Variants in SBNO2 observed in about 807,000 individuals in gnomAD.
SBNO2 encodes the protein strawberry notch homolog 2, also known as protein strawberry notch homolog 2.
SBNO2 carries 89 observed loss-of-function variants against 146.3 expected under a neutral mutation model. That is an observed-to-expected ratio of 0.61 (90% CI 0.51 to 0.73). The LOEUF (loss-of-function observed/expected upper bound fraction) is 0.73, where lower values mean the gene tolerates loss of function less well. SBNO2 is among the 30% of genes least tolerant of loss of function. SBNO2 has a pLI of 0.00. For missense variants in SBNO2, 2,092 were observed against 2,003.7 expected (o/e 1.04, Z -0.84); for synonymous variants, 1,147 against 892.6 (o/e 1.29, Z -5.08).
intron 15 of SBNO2, 32 bp downstream of exon 15, chr19:1,117,291 G>C: frequency 6.5e-7 from 1 of 1,538,856 alleles, no homozygotes; most frequent in South Asian, 1.2e-5. Context: ...AGGCCCGGCC[G>C]CCCTCAGCCC....
Position 1,122,773 on chromosome 19 carries a change from G to A in SBNO2, c.799C>T (p.Pro267Ser). 6.5e-7 allele frequency: 1 copy of A among 1,537,924 alleles called. No homozygotes were observed. Among genetic ancestry groups the A allele is most frequent in the Non-Finnish European group, 8.7e-7 (1 of 1,146,438 alleles). The change falls in exon 9 of 32, where the codon CCC becomes TCC. Residue 267 changes from proline to serine, a missense_variant. By Grantham distance (74) the Pro-to-Ser change is moderately conservative. Transcript: ENST00000361757. Reference protein sequence around the residue: ...YACQQHEVLLPSGQRAGFLIG... With the variant: ...YACQQHEVLLSSGQRAGFLIG... ...AGAAAGCCCGCGCGCTGCCCGCTGG[G>A]GAGCAGGACCTCGTGTTGCTGTTGC...
At position 1,144,861 on chromosome 19, in the gene SBNO2, GAGACAC is replaced by G. The variant is rs1394215671; in HGVS notation, c.279+2442_279+2447del. On this transcript the variant is annotated intron_variant, in intron 4 of 31. Transcript: ENST00000361757. The surrounding 1 kb of genome is among the most constrained non-coding windows in gnomAD (Gnocchi z 4.1). Reference sequence around the variant, plus strand: ...ACAGGGGCAGAGACAAGCAGAGAGGGAGACACAGACAGAGACAGAGAGGGAGACAGA... The same window carrying G: ...ACAGGGGCAGAGACAAGCAGAGAGGGAGACAGAGACAGAGAGGGAGACAGA... 2.0e-5 allele frequency among the ~76,000 whole-genome samples: 3 copies of G among 150,470 alleles called. No individual in the cohort carries two copies. Among genetic ancestry groups the G allele is most frequent in the Admixed American group, 1.3e-4 (2 of 15,138 alleles).
chr19:1,153,058 G>A (rs1249855669), intron 2 of SBNO2, among the ~76,000 whole-genome samples: 1 of 151,724 alleles, frequency 6.6e-6, no homozygotes, highest in African/African-American at 2.4e-5. Context: ...AGGAGGCTGA[G>A]GCAGGAGAAT....
At position 1,112,695 on chromosome 19, in the gene SBNO2, C is replaced by G. The variant is rs898951758; in HGVS notation, c.2379+123G>C. The G allele has an allele frequency of 6.0e-5, 87 of 1,438,176 alleles. No homozygotes were observed. The highest frequency in any genetic ancestry group is 7.4e-5 in the Non-Finnish European group (81 of 1,089,796). 89.1% of individuals were successfully genotyped at this position (1,438,176 alleles called of 1,614,324 possible). ...GGACACCACCCGCCACACGGCCACT[C>G]GCGCCCGCACCTGGCACACACACAC... On this transcript the variant is annotated intron_variant, in intron 20 of 31. Transcript: ENST00000361757. The surrounding 1 kb of genome is among the most constrained non-coding windows in gnomAD (Gnocchi z 5.9).
At position 1,158,900 on chromosome 19, in the gene SBNO2, CGACCCCACCTGCAGCCGT is replaced by C. The variant is rs1334092401; in HGVS notation, c.-126-4516_-126-4499del. The stretch of plus-strand genomic sequence containing the variant: ...AGCTGTGACCGCCGCCCCACAGCCG[CGACCCCACCTGCAGCCGT>C]GACCCCACCTGCAGCCGCGACCCCA... On this transcript the variant is annotated intron_variant, in intron 1 of 31. Coordinates refer to ENST00000361757, the MANE Select transcript of SBNO2 (RefSeq NM_014963.3). This position sits in a 1 kb window ranked among gnomAD's most constrained non-coding sequence, Gnocchi z 9.9. Among the ~76,000 whole-genome samples the C allele has an allele frequency of 0.013, 1,904 of 150,180 alleles. 21 individuals carry two copies. Among genetic ancestry groups the C allele is most frequent in the Non-Finnish European group, 0.021 (1,394 of 67,530 alleles).
At chr19:1,162,775 G>A (rs1287073104) in intron 1 of SBNO2, among the ~76,000 whole-genome samples, 1 of 152,188 alleles carries the variant, frequency 6.6e-6, no homozygotes, top group African/African-American at 2.4e-5. Context: ...CCTGACGCTG[G>A]TTTCCCTAGC....
In SBNO2 at chr19:1,108,615, G is replaced by T; in HGVS notation, c.3706C>A (p.Leu1236Met). 1.4e-6 allele frequency: 2 copies of T among 1,432,022 alleles called. No homozygotes were observed. The highest frequency in any genetic ancestry group is 1.4e-5 in the South Asian group (1 of 71,328). The allele number at this position is 1,432,022 out of a possible 1,614,324, so 88.7% of individuals were successfully genotyped here. ...ADVKRRQAPA[L>M]GCPAPPAPRP... ...GGGGCGGGCGGGGCGGGGCAGCCCA[G>T]GGCGGGCGCCTGCCTGCGCTTCACG... The change falls in exon 32 of 32, where the codon CTG becomes ATG. Residue 1236 changes from leucine (L) to methionine (M), a missense_variant. Transcript: ENST00000361757.
At chr19:1,114,653 T>TTTAC (rs2079810104) in intron 17 of SBNO2, among the ~76,000 whole-genome samples, 1 of 152,056 alleles carries the variant, frequency 6.6e-6, no homozygotes, top group African/African-American at 2.4e-5. Context: ...TATTTATTTA[T>TTTAC]TTTCTTTTGA....
chr19:1,143,491 A>T (rs960536305), intron 4 of SBNO2, among the ~76,000 whole-genome samples: 13 of 152,224 alleles, frequency 8.5e-5, no homozygotes, highest in African/African-American at 3.1e-4. Flanking sequence ...AAATTAAAAA[A>T]ATATATAAAT....
intron 1 of SBNO2, among the ~76,000 whole-genome samples, chr19:1,160,773 G>A (rs2080335970): frequency 6.6e-6 from 1 of 152,200 alleles, no homozygotes; most frequent in Non-Finnish European, 1.5e-5. Context: ...CAGGTGATCC[G>A]CCCGCCTCGG....
intron 4 of SBNO2, among the ~76,000 whole-genome samples, chr19:1,139,636 A>G (rs2080117015): frequency 6.6e-6 from 1 of 152,120 alleles, no homozygotes; most frequent in Admixed American, 6.6e-5. Flanking sequence ...CTCTACTAAA[A>G]ATACAAAAAT....
chr19:1,111,019 C>T lies in SBNO2; in HGVS notation c.2884G>A (p.Asp962Asn). Residue 962 changes from aspartate (D) to asparagine (N), a missense_variant and splice_region_variant, in exon 25 of 32, where the codon GAC becomes AAC. Asp to Asn is a conservative substitution (Grantham distance 23, BLOSUM62 1). Coordinates refer to ENST00000361757, the MANE Select transcript of SBNO2 (RefSeq NM_014963.3). ...SRNGCLDVEK[D>N]CSITKFLNRI... is the part of the protein sequence containing the mutation. ...CTGGGCCTGGGTGTGGGGCACTCAC[C>T]CTTCTCCACGTCCAGGCAGCCATTC... 6.3e-7 allele frequency: 1 copy of T among 1,588,028 alleles called. No individual in the cohort carries two copies. The highest frequency in any genetic ancestry group is 1.1e-5 in the South Asian group (1 of 87,992).
intron 4 of SBNO2, among the ~76,000 whole-genome samples, chr19:1,134,212 AC>A (rs1484734533): frequency 6.9e-6 from 1 of 144,536 alleles, no homozygotes; most frequent in Non-Finnish European, 1.5e-5. Flanking sequence ...TCACAGGTGG[AC>A]CCACAGCTCA....
At chr19:1,164,230 G>A (rs944991481) in intron 1 of SBNO2, among the ~76,000 whole-genome samples, 34 of 152,202 alleles carry the variant, frequency 2.2e-4, no homozygotes, top group Non-Finnish European at 3.7e-4. Flanking sequence ...TCCCAAGCTC[G>A]GAGATGGCCA....
At position 1,128,416 on chromosome 19, in the gene SBNO2, G is replaced by A. The variant is rs549757441; in HGVS notation, c.280-651C>T. On this transcript the variant is annotated intron_variant, in intron 4 of 31. Transcript: ENST00000361757. Reference sequence around the variant, plus strand: ...CATTTCATTTTTTTTTTTTTGAGACGGATTCTTACACTGTCGCCCGGGCTG... The same window carrying A: ...CATTTCATTTTTTTTTTTTTGAGACAGATTCTTACACTGTCGCCCGGGCTG... 2.4e-4 allele frequency: 69 copies of A among 290,576 alleles called. 1 individual carries two copies. Among genetic ancestry groups the A allele is most frequent in the South Asian group, 1.0e-3 (40 of 38,872 alleles). The allele number at this position is 290,576 out of a possible 1,614,324, so 18.0% of individuals were successfully genotyped here.
rs558341956 is a variant in SBNO2, at chr19:1,149,889, C to A, written c.94-447G>T. Among the ~76,000 whole-genome samples the A allele has an allele frequency of 1.2e-3, 186 of 152,306 alleles. 1 individual carries two copies. The Middle Eastern group carries it at 0.017, about 14-fold the overall frequency. ...TGGTGGAGGGTGGGTGTCGGGGGCTCCTCGGGCAGGGCCTGGGGCAGGCGA... is the reference window on the plus strand; with the variant it reads ...TGGTGGAGGGTGGGTGTCGGGGGCTACTCGGGCAGGGCCTGGGGCAGGCGA... On this transcript the variant is annotated intron_variant, in intron 2 of 31. Transcript: ENST00000361757.
At position 1,124,031 on chromosome 19, in the gene SBNO2, G is replaced by C. The variant is rs1221400509; in HGVS notation, c.442-9C>G. ...CTGCTGAGCTGGAACAGCTGGAAGGGGAGCAGGATGTCAGCCCGGGCCAGA... is the reference window on the plus strand; with the variant it reads ...CTGCTGAGCTGGAACAGCTGGAAGGCGAGCAGGATGTCAGCCCGGGCCAGA... On this transcript the variant is annotated splice_polypyrimidine_tract_variant and intron_variant, in intron 5 of 31. Coordinates refer to ENST00000361757, the MANE Select transcript of SBNO2 (RefSeq NM_014963.3). 6.2e-7 allele frequency: 1 copy of C among 1,609,662 alleles called. No homozygotes were observed.
rs765618782 is a variant in SBNO2, at chr19:1,127,686, G to A, written c.359C>T (p.Thr120Met). ...GCTGTCAGCCGGCAGGAAGTCGGGCGTGTCCACGATGTCCGACAGGGAGTC... is the reference window on the plus strand; with the variant it reads ...GCTGTCAGCCGGCAGGAAGTCGGGCATGTCCACGATGTCCGACAGGGAGTC... ...SVDSLSDIVD[T>M]PDFLPADSLN... The change falls in exon 5 of 32, where the codon ACG becomes ATG. Residue 120 changes from threonine (T) to methionine (M), a missense_variant. By Grantham distance (81) the Thr-to-Met change is moderately conservative. Coordinates refer to ENST00000361757, the MANE Select transcript of SBNO2 (RefSeq NM_014963.3). 8 of 1,613,418 alleles carry A rather than the reference G, an allele frequency of 5.0e-6. No individual in the cohort carries two copies. The Admixed American group carries it at 5.0e-5, about 10-fold the overall frequency.
At chr19:1,169,477 C>G (rs577746388) in intron 1 of SBNO2, among the ~76,000 whole-genome samples, 7 of 152,366 alleles carry the variant, frequency 4.6e-5, no homozygotes, top group Admixed American at 4.6e-4. Flanking sequence ...AGGCCTGTCC[C>G]CCTCATGCCA....
Sources: gnomAD v4.1 joint callset for allele counts (sites outside exome capture counted in the v4.1 genomes callset) on GRCh38, gnomAD v4.1.1 for gene constraint, Gnocchi (gnomAD v3.1) non-coding constraint, MANE v1.5 for transcripts, NCBI Gene and HGNC (gene_info 2026-07-23, HGNC 2026-07-21) for gene names.